KDM6A: variants seen among roughly 807,000 people sequenced by gnomAD.
The protein encoded by KDM6A is lysine demethylase 6A.
A neutral mutation model predicts 117.6 loss-of-function variants in KDM6A; 11 were observed. That is an observed-to-expected ratio of 0.09 (90% confidence interval 0.06 to 0.15). The LOEUF (loss-of-function observed/expected upper bound fraction) is 0.15. KDM6A is among the 10% of genes least tolerant of loss of function. KDM6A has a pLI of 1.00. For missense variants in KDM6A, 799 were observed against 1,077.3 expected (o/e 0.74, Z 3.62); for synonymous variants, 384 against 396.1 (o/e 0.97, Z 0.36).
chrX:45,015,418 A>T (rs1309115177), intron 5 of KDM6A, among the ~76,000 whole-genome samples: 1 of 111,133 alleles, frequency 9.0e-6, no homozygotes, highest in East Asian at 2.8e-4. Context: ...CCTGGTGTAA[A>T]GTTTCTGTAG....
chrX:44,963,499 C>CTCTG (rs376377966), intron 3 of KDM6A, among the ~76,000 whole-genome samples: 29,844 of 80,658 alleles, frequency 0.37, 4,874 homozygotes, highest in Non-Finnish European at 0.47. Context: ...GTCTGTCTGT[C>CTCTG]TCTGTCTGTC....
At chrX:44,985,894 G>T (rs2040195053) in intron 4 of KDM6A, among the ~76,000 whole-genome samples, 1 of 111,897 alleles carries the variant, frequency 8.9e-6, no homozygotes, top group East Asian at 2.8e-4. Flanking sequence ...TCTCTGCCAG[G>T]CTTTGGTATC....
At chrX:44,965,520 A>G (rs116490428) in intron 3 of KDM6A, among the ~76,000 whole-genome samples, 1,731 of 111,439 alleles carry the variant, frequency 0.016, 38 homozygotes, top group African/African-American at 0.054. Flanking sequence ...GCATAATTTC[A>G]ATGTTGTCAT....
In KDM6A at chrX:45,063,778, A is replaced by G. The variant is rs2147999649; in HGVS notation, c.2040A>G (p.Ala680=). The change falls in exon 17 of 30, where the codon GCA becomes GCG. Residue 680 remains alanine (A), a synonymous_variant. Transcript: ENST00000611820. ...PHNRTNLTSS[A]EEPWKNQLSN... is the part of the protein sequence containing the mutation. Reference sequence around the variant, plus strand: ...ACCGCACAAACCTGACCAGCAGCGCAGAGGAGCCGTGGAAAAACCAACTAT... The same window carrying G: ...ACCGCACAAACCTGACCAGCAGCGCGGAGGAGCCGTGGAAAAACCAACTAT... 8.3e-7 allele frequency: 1 copy of G among 1,205,493 alleles called. No individual in the cohort carries two copies. The highest frequency in any genetic ancestry group is 1.1e-6 in the Non-Finnish European group (1 of 891,932).
chrX:45,039,141 T>G (rs1282112762), intron 8 of KDM6A, among the ~76,000 whole-genome samples: 1 of 110,869 alleles, frequency 9.0e-6, no homozygotes, highest in African/African-American at 3.3e-5. Context: ...TCAGCTGTCA[T>G]GGGGAGTTTT....
At chrX:45,061,532 C>A in intron 15 of KDM6A, 113 bp downstream of exon 15, 1 of 379,932 alleles carries the variant, frequency 2.6e-6, no homozygotes. Context: ...TGCTCTGTCA[C>A]CCAGGCTGGA....
intron 8 of KDM6A, among the ~76,000 whole-genome samples, chrX:45,040,248 C>T (rs775469993): frequency 3.4e-3 from 333 of 98,085 alleles, no homozygotes; most frequent in Non-Finnish European, 5.4e-3. Flanking sequence ...CTGGATAGGG[C>T]GGCTGGCCCG....
chrX:44,926,672 T>C (rs193179180), intron 2 of KDM6A, among the ~76,000 whole-genome samples: 1 of 111,901 alleles, frequency 8.9e-6, no homozygotes, highest in East Asian at 2.8e-4. Context: ...TTTTTCTCCA[T>C]TGAAATTATG....
At chrX:44,928,677 T>C (rs890861496) in intron 2 of KDM6A, among the ~76,000 whole-genome samples, 1 of 111,282 alleles carries the variant, frequency 9.0e-6, no homozygotes. Flanking sequence ...AAAGCTTTTG[T>C]TTTTTTGTTT....
intron 9 of KDM6A, 127 bp downstream of exon 9, chrX:45,051,929 C>T (rs1008617201): frequency 8.9e-6 from 4 of 450,508 alleles, no homozygotes; most frequent in Admixed American, 7.4e-5. Flanking sequence ...TTATTCTGAA[C>T]CCAGCATATT....
intron 5 of KDM6A, among the ~76,000 whole-genome samples, chrX:45,011,360 C>A (rs1347709960): frequency 1.8e-5 from 2 of 111,065 alleles, no homozygotes; most frequent in Non-Finnish European, 3.8e-5. Context: ...TCTCAGAAGT[C>A]AAGATATGTG....
intron 2 of KDM6A, among the ~76,000 whole-genome samples, chrX:44,949,931 G>T (rs1352063553): frequency 9.0e-6 from 1 of 111,340 alleles, no homozygotes; most frequent in African/African-American, 3.3e-5. Flanking sequence ...ATTGCTGTAA[G>T]ACTGTTTCTG....
At chrX:44,989,007 G>T (rs902434387) in intron 4 of KDM6A, among the ~76,000 whole-genome samples, 5 of 108,806 alleles carry the variant, frequency 4.6e-5, no homozygotes, top group Admixed American at 1.0e-4. Flanking sequence ...CCCCAGAGGT[G>T]GAGTCTACAG....
intron 6 of KDM6A, among the ~76,000 whole-genome samples, chrX:45,025,695 G>T (rs749202122): frequency 1.4e-4 from 16 of 111,936 alleles, no homozygotes; most frequent in African/African-American, 2.9e-4. Flanking sequence ...GTTAATGCCT[G>T]TGCATCTATT....
chrX:45,028,147 AACAGCAACACCAC>A (rs1410026476), intron 6 of KDM6A, among the ~76,000 whole-genome samples: 1 of 111,923 alleles, frequency 8.9e-6, no homozygotes, highest in African/African-American at 3.2e-5. Context: ...CTCCTGGAGT[AACAGCAACACCAC>A]ACAGCAACAG....
At chrX:44,996,944 C>T (rs1446117885) in intron 4 of KDM6A, among the ~76,000 whole-genome samples, 4 of 111,582 alleles carry the variant, frequency 3.6e-5, no homozygotes, top group African/African-American at 1.3e-4. Flanking sequence ...CCTTGCCCCC[C>T]TCGCAGGGCA....
Position 45,085,900 on chromosome X carries a change from A to T in KDM6A, c.3625A>T (p.Ile1209Leu). Residue 1209 changes from isoleucine to leucine, a missense_variant, in exon 25 of 30, where the codon ATA becomes TTA. Ile to Leu is a conservative substitution (Grantham distance 5). This residue lies in a region of KDM6A where 291 missense variants were observed against 437.9 expected (regional missense o/e 0.66). Transcript: ENST00000611820. The part of the protein sequence containing the change: ...QENNNFCSVN[I>L]NIGPGDCEWF... ...AAATAACAACTTCTGTTCAGTTAAC[A>T]TAAATATTGGCCCAGGTGACTGTGA... 1 of 1,206,321 alleles carries T rather than the reference A, an allele frequency of 8.3e-7. No homozygotes were observed. Among genetic ancestry groups the T allele is most frequent in the Non-Finnish European group, 1.1e-6 (1 of 890,471 alleles).
rs183344706 is a variant in KDM6A at position 44,935,615 on chromosome X, A to G, written c.226-25669A>G. Among the ~76,000 whole-genome samples the G allele has an allele frequency of 1.7e-4, 19 of 111,737 alleles. No homozygotes were observed. The East Asian group carries it at 3.9e-3, about 23-fold the overall frequency. On this transcript the variant is annotated intron_variant, in intron 2 of 29. Transcript: ENST00000611820. ...CACAAAGAGATTAAGTGACTTGCCC[A>G]AGGCCAAACAGTACGAAGCTAAAAT...
At chrX:45,054,514 A>G (rs2043987773) in intron 10 of KDM6A, among the ~76,000 whole-genome samples, 1 of 111,910 alleles carries the variant, frequency 8.9e-6, no homozygotes, top group African/African-American at 3.2e-5. Flanking sequence ...AACAAAAATC[A>G]TTTTCTGCAA....
Sources: gnomAD v4.1 joint callset for allele counts (sites outside exome capture counted in the v4.1 genomes callset) on GRCh38, gnomAD v4.1.1 for gene constraint, gnomAD v4.1.1 regional missense constraint, MANE v1.5 for transcripts, NCBI Gene and HGNC (gene_info 2026-07-23, HGNC 2026-07-21) for gene names.